Variants in MCTP1 observed in about 807,000 individuals in gnomAD.
The protein encoded by MCTP1 is multiple C2 and transmembrane domain containing 1, also known as multiple C2 and transmembrane domain-containing protein 1.
A neutral mutation model predicts 120.6 loss-of-function variants in MCTP1; 69 were observed. The observed-to-expected ratio is 0.57, with a 90% CI of 0.47 to 0.70. The LOEUF (loss-of-function observed/expected upper bound fraction) is 0.70. Ranked by LOEUF, MCTP1 falls within the 30% of genes least tolerant of loss-of-function variation. MCTP1 has a pLI of 0.00. For missense variants in MCTP1, 1,203 were observed against 1,248.8 expected (o/e 0.96, Z 0.55); for synonymous variants, 529 against 493.1 (o/e 1.07, Z -0.96).
intron 2 of MCTP1, among the ~76,000 whole-genome samples, chr5:95,005,170 T>C (rs1322649243): frequency 6.6e-6 from 1 of 152,202 alleles, no homozygotes; most frequent in African/African-American, 2.4e-5. Flanking sequence ...TCTTGGGTCC[T>C]GTAGCTCTTT....
intron 1 of MCTP1, among the ~76,000 whole-genome samples, chr5:95,228,298 T>C (rs1754511334): frequency 6.6e-6 from 1 of 152,192 alleles, no homozygotes; most frequent in Non-Finnish European, 1.5e-5. Context: ...ACAAGCTAAA[T>C]TTTATACACT....
At chr5:95,258,438 A>C (rs891211738) in intron 1 of MCTP1, among the ~76,000 whole-genome samples, 3 of 152,232 alleles carry the variant, frequency 2.0e-5, no homozygotes, top group Admixed American at 1.3e-4. Flanking sequence ...AAACAAGAAA[A>C]GTTTGAGAAA....
chr5:95,035,667 A>T (rs1581954762), intron 1 of MCTP1, among the ~76,000 whole-genome samples: 1 of 152,270 alleles, frequency 6.6e-6, no homozygotes, highest in East Asian at 1.9e-4. Flanking sequence ...AAACACCAGT[A>T]TTATACAATA....
chr5:95,128,348 T>C (rs992867736), intron 1 of MCTP1, among the ~76,000 whole-genome samples: 3 of 152,208 alleles, frequency 2.0e-5, no homozygotes, highest in Non-Finnish European at 4.4e-5. Flanking sequence ...AATAAAAACA[T>C]ATGTACACAC....
At chr5:95,037,757 C>T (rs1044674422) in intron 1 of MCTP1, among the ~76,000 whole-genome samples, 10 of 152,100 alleles carry the variant, frequency 6.6e-5, no homozygotes, top group African/African-American at 2.4e-4. Context: ...ATCCCAGCTA[C>T]TCGGGAGGCT....
At chr5:95,283,784 C>G (rs913743594) in intron 1 of MCTP1, 72 bp downstream of exon 1, 8 of 1,221,234 alleles carry the variant, frequency 6.6e-6, no homozygotes, top group African/African-American at 4.7e-5. Context: ...CCCCGCTCCC[C>G]GGGTGGTGAA....
At chr5:94,929,404 T>A (rs1164688129) in intron 6 of MCTP1, among the ~76,000 whole-genome samples, 1 of 152,202 alleles carries the variant, frequency 6.6e-6, no homozygotes, top group Non-Finnish European at 1.5e-5. Flanking sequence ...TCTGTGTTTT[T>A]ATGAAAAATT....
intron 1 of MCTP1, among the ~76,000 whole-genome samples, chr5:95,272,809 T>C (rs573541640): frequency 1.4e-4 from 21 of 152,148 alleles, no homozygotes; most frequent in African/African-American, 4.8e-4. Flanking sequence ...TTTTGCTGCA[T>C]AGTGGGCCAA....
At chr5:94,810,794 C>T (rs1182541165) in intron 17 of MCTP1, among the ~76,000 whole-genome samples, 1 of 152,124 alleles carries the variant, frequency 6.6e-6, no homozygotes, top group African/African-American at 2.4e-5. Flanking sequence ...CTTCCCTGGG[C>T]TACTGATTTC....
chr5:95,162,710 C>G (rs1012997746), intron 1 of MCTP1, among the ~76,000 whole-genome samples: 1 of 152,192 alleles, frequency 6.6e-6, no homozygotes, highest in Non-Finnish European at 1.5e-5. Flanking sequence ...ACTTTCATTT[C>G]TCCCAGCTTC....
At chr5:95,014,604 C>T (rs1836709993) in intron 2 of MCTP1, among the ~76,000 whole-genome samples, 1 of 152,004 alleles carries the variant, frequency 6.6e-6, no homozygotes, top group Admixed American at 6.6e-5. Context: ...TGATATTTAC[C>T]AGTTTTTACT....
chr5:94,827,983 G>A (rs576313224), intron 17 of MCTP1, among the ~76,000 whole-genome samples: 20 of 151,816 alleles, frequency 1.3e-4, no homozygotes, highest in East Asian at 5.8e-4. Context: ...CTCATTTTCC[G>A]TTCAGTTTGT....
At chr5:94,958,767 G>T (rs1823349014) in intron 2 of MCTP1, among the ~76,000 whole-genome samples, 1 of 152,162 alleles carries the variant, frequency 6.6e-6, no homozygotes, top group Non-Finnish European at 1.5e-5. Context: ...CTGAAATTGA[G>T]GCAGTAATTA....
At chr5:95,038,352 C>A (rs1422869842) in intron 1 of MCTP1, among the ~76,000 whole-genome samples, 1 of 151,882 alleles carries the variant, frequency 6.6e-6, no homozygotes, top group African/African-American at 2.4e-5. Context: ...GATTACAACC[C>A]AAAGAATAAA....
chr5:95,167,024 G>A (rs962806713), intron 1 of MCTP1, among the ~76,000 whole-genome samples: 5 of 149,580 alleles, frequency 3.3e-5, no homozygotes, highest in African/African-American at 4.9e-5. Context: ...CCATTAACTC[G>A]TCATTTACAT....
intron 1 of MCTP1, among the ~76,000 whole-genome samples, chr5:95,158,587 T>G (rs771442847): frequency 6.6e-6 from 1 of 152,160 alleles, no homozygotes; most frequent in Non-Finnish European, 1.5e-5. Context: ...GGAATTTAAC[T>G]CACTTAAATA....
chr5:95,063,597 A>G (rs1010153354), intron 1 of MCTP1, among the ~76,000 whole-genome samples: 5 of 152,144 alleles, frequency 3.3e-5, no homozygotes, highest in African/African-American at 1.2e-4. Flanking sequence ...GATGTTCACT[A>G]CAGCACACTC....
intron 1 of MCTP1, among the ~76,000 whole-genome samples, chr5:95,065,171 T>A (rs1750327745): frequency 6.6e-6 from 1 of 152,028 alleles, no homozygotes; most frequent in African/African-American, 2.4e-5. Context: ...TATTAAGAAC[T>A]GTTATCAGTA....
chr5:94,823,256 T>G (rs1450096036), intron 17 of MCTP1, among the ~76,000 whole-genome samples: 1 of 152,190 alleles, frequency 6.6e-6, no homozygotes, highest in Non-Finnish European at 1.5e-5. Context: ...AGTTTAAGTT[T>G]TCAGTATATG....
Sources: allele counts gnomAD v4.1 joint callset (sites outside exome capture counted in the v4.1 genomes callset), GRCh38; gene constraint gnomAD v4.1.1; transcripts MANE v1.5; gene names NCBI Gene and HGNC (gene_info 2026-07-23, HGNC 2026-07-21).